The following KIRREL3 variants were observed in gnomAD, a reference collection of about 807,000 sequenced individuals.
The protein encoded by KIRREL3 is kirre like nephrin family adhesion molecule 3, also known as kin of IRRE-like protein 3.
A neutral mutation model predicts 89.7 loss-of-function variants in KIRREL3; 36 were observed. The observed-to-expected ratio is 0.40, with a 90% confidence interval of 0.31 to 0.53. KIRREL3 has a LOEUF of 0.53. Among genes scored for constraint, KIRREL3 ranks in the 20% least tolerant of loss-of-function variants. The probability of loss-of-function intolerance (pLI) is 0.49; values close to 1 mark genes in which losing one functional copy is unlikely to be tolerated. For synonymous variants in KIRREL3, 445 were observed against 441.4 expected (o/e 1.01, Z -0.10); for missense variants, 864 against 1,056.6 (o/e 0.82, Z 2.53).
chr11:126,654,703 C>T (rs557977578), intron 1 of KIRREL3, among the ~76,000 whole-genome samples: 214 of 152,282 alleles, frequency 1.4e-3, no homozygotes, highest in African/African-American at 5.1e-3. Flanking sequence ...CAGCCGACAT[C>T]GTGAGAGGTC....
At chr11:126,434,844 G>A (rs772158131) in intron 13 of KIRREL3, among the ~76,000 whole-genome samples, 19 of 152,222 alleles carry the variant, frequency 1.2e-4, no homozygotes, top group Admixed American at 1.1e-3. Flanking sequence ...GGGGGCCCCC[G>A]GTGTCCTGGG....
Position 126,909,831 on chromosome 11 carries a change from G to A in KIRREL3, c.55+90624C>T, listed in dbSNP as rs988190233. Among the ~76,000 whole-genome samples the A allele has an allele frequency of 6.6e-6, 1 of 152,140 alleles. No homozygotes were observed. Among genetic ancestry groups the A allele is most frequent in the African/African-American group, 2.4e-5 (1 of 41,412 alleles). Reference sequence around the variant, plus strand: ...TTAAAATATGGATTAATCCCTGGGAGGGTGTTATGCAAGATTCAGATATAT... The same window carrying A: ...TTAAAATATGGATTAATCCCTGGGAAGGTGTTATGCAAGATTCAGATATAT... On this transcript the variant is annotated intron_variant, in intron 1 of 16. Transcript: ENST00000525144. The surrounding 1 kb of genome is among the most constrained non-coding windows in gnomAD (Gnocchi z 4.5).
intron 1 of KIRREL3, among the ~76,000 whole-genome samples, chr11:126,741,386 C>T (rs546134467): frequency 1.3e-5 from 2 of 152,202 alleles, no homozygotes; most frequent in South Asian, 4.2e-4. Context: ...CTGTTGGCTC[C>T]CGTGGGGCCA....
In KIRREL3 at chr11:126,896,242, T is replaced by C. The variant is rs1005448309; in HGVS notation, c.55+104213A>G. ...AGTTCTCTAATCCACTGCTAGGCAG[T>C]AGGATACCTAAGAAACTAACCCTAT... On this transcript the variant is annotated intron_variant, in intron 1 of 16. Transcript: ENST00000525144. The surrounding 1 kb of genome is among the most constrained non-coding windows in gnomAD (Gnocchi z 4.1). Among the ~76,000 whole-genome samples the C allele has an allele frequency of 2.0e-5, 3 of 152,228 alleles. No individual in the cohort carries two copies. The highest frequency in any genetic ancestry group is 4.4e-5 in the Non-Finnish European group (3 of 68,036).
At chr11:126,886,870 C>T (rs1188841608) in intron 1 of KIRREL3, among the ~76,000 whole-genome samples, 1 of 152,100 alleles carries the variant, frequency 6.6e-6, no homozygotes, top group African/African-American at 2.4e-5. Flanking sequence ...CTTATTCTGC[C>T]CCACTCTTGA....
Position 126,994,690 on chromosome 11 carries a change from G to A in KIRREL3, c.55+5765C>T, listed in dbSNP as rs1031470562. 6.6e-6 allele frequency among the ~76,000 whole-genome samples: 1 copy of A among 152,228 alleles called. No individual in the cohort carries two copies. The highest frequency in any genetic ancestry group is 1.5e-5 in the Non-Finnish European group (1 of 68,040). On this transcript the variant is annotated intron_variant, in intron 1 of 16. Transcript: ENST00000525144. The surrounding 1 kb of genome is among the most constrained non-coding windows in gnomAD (Gnocchi z 5.2). ...AAGCATAATGGTCCTAGCTCCTTCAGTGAGTTAGAAGCTATGAGTGAATGA... is the reference window on the plus strand; with the variant it reads ...AAGCATAATGGTCCTAGCTCCTTCAATGAGTTAGAAGCTATGAGTGAATGA...
At chr11:126,532,415 G>A (rs373149974) in intron 2 of KIRREL3, among the ~76,000 whole-genome samples, 33 of 151,650 alleles carry the variant, frequency 2.2e-4, no homozygotes, top group South Asian at 8.4e-4. Flanking sequence ...TGCTCTTGTC[G>A]CCCAGGATGG....
At position 126,983,462 on chromosome 11, in the gene KIRREL3, G is replaced by A. The variant is rs1486058123; in HGVS notation, c.55+16993C>T. 6.6e-6 allele frequency among the ~76,000 whole-genome samples: 1 copy of A among 152,208 alleles called. No individual in the cohort carries two copies. The highest frequency in any genetic ancestry group is 1.5e-5 in the Non-Finnish European group (1 of 68,044). On this transcript the variant is annotated intron_variant, in intron 1 of 16. Transcript: ENST00000525144. This position sits in a 1 kb window ranked among gnomAD's most constrained non-coding sequence, Gnocchi z 4.9. Reference sequence around the variant, plus strand: ...AAAGGGATTTTGCAGATGTAATTAAGTTAAGGTCTTGAGAGAGAGAGATTT... The same window carrying A: ...AAAGGGATTTTGCAGATGTAATTAAATTAAGGTCTTGAGAGAGAGAGATTT...
intron 1 of KIRREL3, among the ~76,000 whole-genome samples, chr11:126,774,924 TG>T (rs558006470): frequency 6.6e-6 from 1 of 152,178 alleles, no homozygotes; most frequent in Non-Finnish European, 1.5e-5. Flanking sequence ...TAACAAGTCT[TG>T]GACATTGCCT....
chr11:126,507,984 G>A (rs540628978), intron 4 of KIRREL3, among the ~76,000 whole-genome samples: 2 of 152,106 alleles, frequency 1.3e-5, no homozygotes, highest in South Asian at 4.1e-4. Context: ...TAGTGACTTC[G>A]TTTGTGTGCG....
Position 126,719,445 on chromosome 11 carries a change from G to A in KIRREL3, c.56-156533C>T, listed in dbSNP as rs916917675. 8.5e-5 allele frequency among the ~76,000 whole-genome samples: 13 copies of A among 152,076 alleles called. No individual in the cohort carries two copies. The highest frequency in any genetic ancestry group is 1.8e-4 in the Non-Finnish European group (12 of 68,020). Reference sequence around the variant, plus strand: ...TGTTGGAGGACCTCAGGGCTTCTCCGAGCTGTCTACATTCACTGCCTAGGT... The same window carrying A: ...TGTTGGAGGACCTCAGGGCTTCTCCAAGCTGTCTACATTCACTGCCTAGGT... On this transcript the variant is annotated intron_variant, in intron 1 of 16. Transcript: ENST00000525144. The surrounding 1 kb of genome is among the most constrained non-coding windows in gnomAD (Gnocchi z 4.7).
chr11:126,918,858 G>A lies in KIRREL3; in HGVS notation c.55+81597C>T, dbSNP rs1947150428. On this transcript the variant is annotated intron_variant, in intron 1 of 16. Transcript: ENST00000525144. This position sits in a 1 kb window ranked among gnomAD's most constrained non-coding sequence, Gnocchi z 6.5. ...CCAAGACATTCCTATGACACCAGAT[G>A]GGGAATGTATTGTTACATGTATTTT... Among the ~76,000 whole-genome samples the A allele has an allele frequency of 6.6e-6, 1 of 152,014 alleles. No individual in the cohort carries two copies. The highest frequency in any genetic ancestry group is 6.6e-5 in the Admixed American group (1 of 15,264).
chr11:126,435,294 A>G lies in KIRREL3; in HGVS notation c.1562T>C (p.Met521Thr). 1 of 1,606,518 alleles carries G rather than the reference A, an allele frequency of 6.2e-7. No individual in the cohort carries two copies. The highest frequency in any genetic ancestry group is 8.5e-7 in the Non-Finnish European group (1 of 1,175,738). ...IIRLKEQGSE[M>T]KSGAGLEAES... is the part of the protein sequence containing the mutation. Reference sequence around the variant, plus strand: ...TGCTTCCAGCCCGGCTCCCGACTTCATTTCCGAACCTGTTTGGAAATAAAG... The same window carrying G: ...TGCTTCCAGCCCGGCTCCCGACTTCGTTTCCGAACCTGTTTGGAAATAAAG... The change falls in exon 13 of 17, where the codon ATG becomes ACG. Residue 521 changes from methionine to threonine, a missense_variant. Met to Thr is a moderately conservative substitution (Grantham distance 81). Coordinates refer to ENST00000525144, the MANE Select transcript of KIRREL3 (RefSeq NM_032531.4).
Position 126,431,356 on chromosome 11 carries a change from G to A in KIRREL3, c.1696+63C>T. On this transcript the variant is annotated intron_variant, in intron 14 of 16. Coordinates refer to ENST00000525144, the MANE Select transcript of KIRREL3 (RefSeq NM_032531.4). This position sits in a 1 kb window ranked among gnomAD's most constrained non-coding sequence, Gnocchi z 7.1. Reference sequence around the variant, plus strand: ...CACTCCTGCTTACTTGCTCTCCGGGGCAGCCTAAGCCTGGCCTTTTTCTCT... The same window carrying A: ...CACTCCTGCTTACTTGCTCTCCGGGACAGCCTAAGCCTGGCCTTTTTCTCT... 2 of 1,594,530 alleles carry A rather than the reference G, an allele frequency of 1.3e-6. No individual in the cohort carries two copies. The highest frequency in any genetic ancestry group is 1.7e-6 in the Non-Finnish European group (2 of 1,170,646).
chr11:126,818,491 G>A (rs931137364), intron 1 of KIRREL3, among the ~76,000 whole-genome samples: 4 of 152,056 alleles, frequency 2.6e-5, no homozygotes, highest in Admixed American at 1.3e-4. Flanking sequence ...TCTCTTTTAC[G>A]GAGTTGTTGC....
At chr11:126,922,139 CTA>C (rs1947372569) in intron 1 of KIRREL3, among the ~76,000 whole-genome samples, 1 of 151,206 alleles carries the variant, frequency 6.6e-6, no homozygotes, top group East Asian at 1.9e-4. Flanking sequence ...ATCTATCTAT[CTA>C]TCTATCTATC....
rs908513706 is a variant in KIRREL3 at position 126,697,741 on chromosome 11, C to T, written c.56-134829G>A. 6.6e-6 allele frequency among the ~76,000 whole-genome samples: 1 copy of T among 152,224 alleles called. No homozygotes were observed. Among genetic ancestry groups the T allele is most frequent in the Admixed American group, 6.5e-5 (1 of 15,286 alleles). ...GCCGGGGACTCAGCTTCTCCCGGGG[C>T]CTCCGGGTGGGTCCCATGATTGCTC... On this transcript the variant is annotated intron_variant, in intron 1 of 16. Transcript: ENST00000525144. This position sits in a 1 kb window ranked among gnomAD's most constrained non-coding sequence, Gnocchi z 4.2.
rs376923233 is a variant in KIRREL3, at chr11:126,587,084, C to G, written c.56-24172G>C. On this transcript the variant is annotated intron_variant, in intron 1 of 16. Transcript: ENST00000525144. This position sits in a 1 kb window ranked among gnomAD's most constrained non-coding sequence, Gnocchi z 5.2. ...GGAGAGATGAATAAACAGGCAACGA[C>G]GATGCAGTGTGATGGATGCTCCAGT... Among the ~76,000 whole-genome samples, 1 of 152,070 alleles carries G rather than the reference C, an allele frequency of 6.6e-6. No homozygotes were observed. The highest frequency in any genetic ancestry group is 1.9e-4 in the East Asian group (1 of 5,190).
At position 126,471,402 on chromosome 11, in the gene KIRREL3, A is replaced by C. The variant is rs1374657921; in HGVS notation, c.591+1907T>G. Among the ~76,000 whole-genome samples the C allele has an allele frequency of 2.6e-5, 4 of 151,762 alleles. No homozygotes were observed. The highest frequency in any genetic ancestry group is 9.7e-5 in the African/African-American group (4 of 41,378). Reference sequence around the variant, plus strand: ...AATAAATAAATAAATAAAATAAATAAAAAATAAAAAAAGAAAGAAAAAAAG... The same window carrying C: ...AATAAATAAATAAATAAAATAAATACAAAATAAAAAAAGAAAGAAAAAAAG... On this transcript the variant is annotated intron_variant, in intron 5 of 16. Coordinates refer to ENST00000525144, the MANE Select transcript of KIRREL3 (RefSeq NM_032531.4). The surrounding 1 kb of genome is among the most constrained non-coding windows in gnomAD (Gnocchi z 5.4).
Sources: allele counts gnomAD v4.1 joint callset (sites outside exome capture counted in the v4.1 genomes callset), GRCh38; gene constraint gnomAD v4.1.1; non-coding constraint Gnocchi (gnomAD v3.1); transcripts MANE v1.5; gene names NCBI Gene and HGNC (gene_info 2026-07-23, HGNC 2026-07-21).